EXT1: variants seen among roughly 807,000 people sequenced by gnomAD.
EXT1 encodes exostosin-1.
EXT1 carries 20 observed loss-of-function variants against 82.5 expected under a neutral mutation model. The ratio of observed to expected loss-of-function variants is 0.24; its 90% CI spans 0.17 to 0.35. The LOEUF (loss-of-function observed/expected upper bound fraction) is 0.35. Among genes scored for constraint, EXT1 ranks in the 10% least tolerant of loss-of-function variants. EXT1 has a pLI of 1.00. For missense variants in EXT1, 757 were observed against 936.5 expected (o/e 0.81, Z 2.50); for synonymous variants, 348 against 350.8 (o/e 0.99, Z 0.09).
intron 9 of EXT1, 36 bp downstream of exon 9, chr8:117,807,181 T>C (rs1047606134): frequency 2.5e-6 from 4 of 1,613,370 alleles, no homozygotes; most frequent in Non-Finnish European, 3.4e-6. Context: ...TAAAAAGCTA[T>C]GTAAAGTCTG....
At chr8:117,968,481 C>T (rs1314154347) in intron 1 of EXT1, among the ~76,000 whole-genome samples, 1 of 151,632 alleles carries the variant, frequency 6.6e-6, no homozygotes, top group Non-Finnish European at 1.5e-5. Flanking sequence ...CTCAGGCCTG[C>T]CTTACCACAA....
intron 1 of EXT1, among the ~76,000 whole-genome samples, chr8:117,890,891 A>G (rs1365277717): frequency 6.6e-6 from 1 of 152,196 alleles, no homozygotes; most frequent in Non-Finnish European, 1.5e-5. Flanking sequence ...AGCTTGAAAG[A>G]GAACCAGACA....
chr8:117,902,742 T>A (rs1027709499), intron 1 of EXT1, among the ~76,000 whole-genome samples: 1 of 152,226 alleles, frequency 6.6e-6, no homozygotes, highest in African/African-American at 2.4e-5. Context: ...TTAGGCATCT[T>A]CTTCCATTCA....
chr8:118,041,116 A>T (rs975509778), intron 1 of EXT1, among the ~76,000 whole-genome samples: 2 of 152,244 alleles, frequency 1.3e-5, no homozygotes, highest in South Asian at 4.1e-4. Context: ...CAAAGTAGAG[A>T]ATGACCAGAA....
intron 1 of EXT1, among the ~76,000 whole-genome samples, chr8:117,866,607 G>A (rs919228498): frequency 6.6e-6 from 1 of 152,194 alleles, no homozygotes; most frequent in African/African-American, 2.4e-5. Context: ...GCAGGAACTA[G>A]CTATCAAAGT....
At chr8:118,040,655 T>G (rs1383511605) in intron 1 of EXT1, among the ~76,000 whole-genome samples, 2 of 152,196 alleles carry the variant, frequency 1.3e-5, no homozygotes, top group Admixed American at 1.3e-4. Flanking sequence ...CTCCTGCAGC[T>G]TCTATTAAAA....
At chr8:118,069,703 C>T (rs1817052905) in intron 1 of EXT1, among the ~76,000 whole-genome samples, 1 of 152,014 alleles carries the variant, frequency 6.6e-6, no homozygotes, top group Non-Finnish European at 1.5e-5. Context: ...GTAGCAACGT[C>T]GTAGGCATTG....
rs1037610301 is a variant in EXT1 at position 118,037,965 on chromosome 8, C to T, written c.962+72120G>A. On this transcript the variant is annotated intron_variant, in intron 1 of 10. Coordinates refer to ENST00000378204, the MANE Select transcript of EXT1 (RefSeq NM_000127.3). ...AAGTGACTATCCTGCCTCAGCCTCC[C>T]AAGTAGCTGAGATTACAGGCATGCG... Among the ~76,000 whole-genome samples the T allele has an allele frequency of 5.9e-5, 9 of 151,758 alleles. No individual in the cohort carries two copies. In the South Asian group the frequency reaches 1.0e-3, roughly 18 times the overall value.
At chr8:117,956,906 A>G (rs1814597748) in intron 1 of EXT1, among the ~76,000 whole-genome samples, 1 of 152,198 alleles carries the variant, frequency 6.6e-6, no homozygotes, top group South Asian at 2.1e-4. Flanking sequence ...GCCTCCGTGA[A>G]GGAGGCACTA....
At position 118,065,585 on chromosome 8, in the gene EXT1, T is replaced by C. The variant is rs185581148; in HGVS notation, c.962+44500A>G. Among the ~76,000 whole-genome samples, 43 of 152,334 alleles carry C rather than the reference T, an allele frequency of 2.8e-4. 1 individual carries two copies. In the East Asian group the frequency reaches 8.1e-3, roughly 29 times the overall value. On this transcript the variant is annotated intron_variant, in intron 1 of 10. Transcript: ENST00000378204. Reference sequence around the variant, plus strand: ...TCAGAGGCTTCCTTCACCAAATGAATCTAAGAATCTGGTATGTGTTGTAAA... The same window carrying C: ...TCAGAGGCTTCCTTCACCAAATGAACCTAAGAATCTGGTATGTGTTGTAAA...
Position 117,951,834 on chromosome 8 carries a change from A to C in EXT1, c.963-114633T>G, listed in dbSNP as rs536356908. ...TACACTTTTAAAGCATTAGGAAAAAAAAATCAACAGAAGAATAATATGTGA... is the reference window on the plus strand; with the variant it reads ...TACACTTTTAAAGCATTAGGAAAAACAAATCAACAGAAGAATAATATGTGA... On this transcript the variant is annotated intron_variant, in intron 1 of 10. Coordinates refer to ENST00000378204, the MANE Select transcript of EXT1 (RefSeq NM_000127.3). Among the ~76,000 whole-genome samples, 5 of 152,374 alleles carry C rather than the reference A, an allele frequency of 3.3e-5. No homozygotes were observed. In the East Asian group the frequency reaches 9.6e-4, roughly 29 times the overall value.
chr8:118,002,293 A>G (rs1405019706), intron 1 of EXT1, among the ~76,000 whole-genome samples: 1 of 149,630 alleles, frequency 6.7e-6, no homozygotes, highest in Non-Finnish European at 1.5e-5. Flanking sequence ...AGACAGGAGA[A>G]CCGCTTGAGC....
chr8:117,850,392 G>A (rs974677733), intron 1 of EXT1, among the ~76,000 whole-genome samples: 1 of 152,308 alleles, frequency 6.6e-6, no homozygotes, highest in East Asian at 1.9e-4. Flanking sequence ...AAAATTTAGG[G>A]ATAATCTTTA....
intron 1 of EXT1, among the ~76,000 whole-genome samples, chr8:117,860,368 G>A (rs573474071): frequency 6.6e-6 from 1 of 152,074 alleles, no homozygotes; most frequent in African/African-American, 2.4e-5. Flanking sequence ...AGGGTGGAAG[G>A]GGGATGAGAG....
At chr8:118,022,311 G>A (rs554957430) in intron 1 of EXT1, among the ~76,000 whole-genome samples, 272 of 148,808 alleles carry the variant, frequency 1.8e-3, no homozygotes, top group African/African-American at 6.3e-3. Context: ...ATACTTGGCC[G>A]GGCGCATATA....
chr8:117,996,241 A>G (rs1181920201), intron 1 of EXT1, among the ~76,000 whole-genome samples: 1 of 152,166 alleles, frequency 6.6e-6, no homozygotes, highest in Non-Finnish European at 1.5e-5. Flanking sequence ...AGCCCCAACT[A>G]AAGTCTACTG....
chr8:118,009,288 G>A (rs17453735), intron 1 of EXT1, among the ~76,000 whole-genome samples: 3,261 of 152,268 alleles, frequency 0.021, 65 homozygotes, highest in South Asian at 0.069. Context: ...CAAATTCTTG[G>A]CAGCCAAACT....
At chr8:117,995,454 T>C (rs1815518001) in intron 1 of EXT1, among the ~76,000 whole-genome samples, 1 of 152,168 alleles carries the variant, frequency 6.6e-6, no homozygotes, top group Non-Finnish European at 1.5e-5. Flanking sequence ...CTGCTGGGTA[T>C]GCGGCTGGTT....
At chr8:117,903,370 T>C (rs1401551755) in intron 1 of EXT1, among the ~76,000 whole-genome samples, 4 of 152,196 alleles carry the variant, frequency 2.6e-5, no homozygotes, top group Non-Finnish European at 4.4e-5. Context: ...CACAACTCTT[T>C]GGTGAGCCAA....
Sources: allele counts gnomAD v4.1 joint callset (sites outside exome capture counted in the v4.1 genomes callset), GRCh38; gene constraint gnomAD v4.1.1; transcripts MANE v1.5; gene names NCBI Gene and HGNC (gene_info 2026-07-23, HGNC 2026-07-21).